Variants in UBN2 observed in about 807,000 individuals in gnomAD.
The protein encoded by UBN2 is ubinuclein 2.
A neutral mutation model predicts 120.2 loss-of-function variants in UBN2; 35 were observed. That is an observed-to-expected ratio of 0.29 (90% CI 0.22 to 0.39). UBN2 has a LOEUF of 0.39. Among genes scored for constraint, UBN2 ranks in the 10% least tolerant of loss-of-function variants. The pLI, the probability that UBN2 is intolerant of heterozygous loss-of-function variation, is 1.00. For missense variants in UBN2, 1,693 were observed against 1,663.2 expected, an observed-to-expected ratio of 1.02 and a Z score of -0.31; for synonymous variants, 661 against 648.7, an observed-to-expected ratio of 1.02 and a Z score of -0.29.
chr7:139,290,014 C>T (rs1039731683), intron 15 of UBN2, among the ~76,000 whole-genome samples: 6 of 152,198 alleles, frequency 3.9e-5, no homozygotes, highest in South Asian at 2.1e-4. Flanking sequence ...CTGCCTCAGC[C>T]TCCTGAGTAG....
At chr7:139,266,523 C>A (rs1383362973) in intron 7 of UBN2, 120 bp downstream of exon 7, 5 of 525,732 alleles carry the variant, frequency 9.5e-6, no homozygotes, top group Non-Finnish European at 1.7e-5. Flanking sequence ...TTAAGCCTTA[C>A]AGCATGTATG....
At chr7:139,321,369 C>T in the UBN2 span, among the ~76,000 whole-genome samples, 1 of 152,350 alleles carries the variant, frequency 6.6e-6, no homozygotes, top group South Asian at 2.1e-4. Flanking sequence ...TAAGGGAGCA[C>T]TTCAAGAGGA....
chr7:139,309,019 A>G (rs896125282), downstream of UBN2, among the ~76,000 whole-genome samples: 6 of 152,208 alleles, frequency 3.9e-5, no homozygotes, highest in African/African-American at 1.4e-4. Flanking sequence ...GTGAGCCGAG[A>G]TTGCACCACT....
intron 1 of UBN2, among the ~76,000 whole-genome samples, chr7:139,235,064 CAA>C (rs66656399): frequency 0.01 from 1,527 of 151,664 alleles, 31 homozygotes; most frequent in African/African-American, 0.035. Context: ...TGTAGGCTGT[CAA>C]GAGAAAATAA....
intron 16 of UBN2, 139 bp downstream of exon 16, chr7:139,293,602 TTATATA>T (rs1798026728): frequency 1.3e-6 from 1 of 746,204 alleles, no homozygotes; most frequent in African/African-American, 1.8e-5. Context: ...GAAATGCAGT[TTATATA>T]TAGTAAGTCA....
intron 1 of UBN2, among the ~76,000 whole-genome samples, chr7:139,233,760 TTAA>T (rs1796090399): frequency 6.6e-6 from 1 of 152,130 alleles, no homozygotes; most frequent in Non-Finnish European, 1.5e-5. Context: ...CGATGGCAAA[TTAA>T]TAATGTGTAT....
chr7:139,294,563 A>T (rs886602608), intron 17 of UBN2, among the ~76,000 whole-genome samples: 1 of 152,198 alleles, frequency 6.6e-6, no homozygotes, highest in African/African-American at 2.4e-5. Context: ...TGATCCTGCC[A>T]GGCACAGTGG....
At chr7:139,259,712 A>G (rs1316938940) in intron 5 of UBN2, among the ~76,000 whole-genome samples, 2 of 152,318 alleles carry the variant, frequency 1.3e-5, no homozygotes, top group Admixed American at 6.5e-5. Flanking sequence ...GCAGTAGCCT[A>G]TATGTAAACA....
intron 2 of UBN2, among the ~76,000 whole-genome samples, chr7:139,250,546 CA>C (rs528405943): frequency 2.8e-3 from 385 of 136,362 alleles, no homozygotes; most frequent in Middle Eastern, 7.4e-3. Flanking sequence ...GACCCTGTAT[CA>C]AAAAAAAAAA....
At chr7:139,259,460 A>T in intron 5 of UBN2, 90 bp downstream of exon 5, 1 of 1,517,978 alleles carries the variant, frequency 6.6e-7, no homozygotes, top group Non-Finnish European at 8.9e-7. Flanking sequence ...AACTAATTCA[A>T]CCTAGCTGAG....
the UBN2 span, among the ~76,000 whole-genome samples, chr7:139,315,007 G>A: frequency 1.3e-5 from 2 of 151,000 alleles, no homozygotes; most frequent in African/African-American, 4.9e-5. Flanking sequence ...ATGGAATCTC[G>A]CTCTGTCGCC....
the UBN2 span, among the ~76,000 whole-genome samples, chr7:139,320,972 G>A: frequency 2.0e-5 from 3 of 152,224 alleles, no homozygotes; most frequent in South Asian, 4.1e-4. Context: ...CACACAGCCC[G>A]CTTCCTAAGT....
rs368847381 is a variant in UBN2, at chr7:139,283,099, A to C, written c.2194A>C (p.Ser732Arg). 21 of 1,613,132 alleles carry C rather than the reference A, an allele frequency of 1.3e-5. No homozygotes were observed. The African/African-American group carries it at 2.8e-4, about 22-fold the overall frequency. ...ASVSGPPTSS[S>R]TAAIAAASSS... ...GGTTAGCGGTCCTCCAACGAGCTCC[A>C]GCACAGCTGCCATTGCTGCAGCTAG... The change falls in exon 15 of 18, where the codon AGC (serine) becomes CGC (arginine). Residue 732 changes from serine to arginine, a missense_variant. Coordinates refer to ENST00000473989, the MANE Select transcript of UBN2 (RefSeq NM_173569.4).
chr7:139,241,899 G>A (rs1180865250), intron 2 of UBN2, among the ~76,000 whole-genome samples: 1 of 152,124 alleles, frequency 6.6e-6, no homozygotes, highest in East Asian at 1.9e-4. Flanking sequence ...TCGGGAGACT[G>A]AGGCAGGAGA....
chr7:139,329,672 T>G, the UBN2 span, among the ~76,000 whole-genome samples: 2 of 152,066 alleles, frequency 1.3e-5, no homozygotes, highest in East Asian at 3.9e-4. Flanking sequence ...GGGTGATGGA[T>G]GTAGGAGCTC....
intron 17 of UBN2, 118 bp from the exon 18 acceptor site, chr7:139,297,668 TA>T (rs1798147651): frequency 2.3e-6 from 2 of 858,186 alleles, no homozygotes; most frequent in South Asian, 3.1e-5. Context: ...TTAAAAGTGA[TA>T]TCTTTTCAGA....
chr7:139,262,670 C>T (rs1268735440), intron 6 of UBN2, among the ~76,000 whole-genome samples: 3 of 149,862 alleles, frequency 2.0e-5, no homozygotes, highest in Non-Finnish European at 4.4e-5. Context: ...GCCGAGATTG[C>T]GCCACTGCAC....
At chr7:139,255,364 A>G (rs1796729195) in intron 3 of UBN2, among the ~76,000 whole-genome samples, 1 of 152,212 alleles carries the variant, frequency 6.6e-6, no homozygotes, top group African/African-American at 2.4e-5. Flanking sequence ...CTAGTACGTC[A>G]TTGGTAGACT....
At chr7:139,235,569 G>T (rs1796143063) in intron 1 of UBN2, among the ~76,000 whole-genome samples, 1 of 152,004 alleles carries the variant, frequency 6.6e-6, no homozygotes, top group African/African-American at 2.4e-5. Context: ...ACCACACCCA[G>T]CTAGTTTTTG....
Sources: allele counts gnomAD v4.1 joint callset (sites outside exome capture counted in the v4.1 genomes callset), GRCh38; gene constraint gnomAD v4.1.1; transcripts MANE v1.5; gene names NCBI Gene and HGNC (gene_info 2026-07-23, HGNC 2026-07-21).